Variants in RTN3 observed in about 807,000 individuals in gnomAD.
RTN3 encodes reticulon-3.
Under a neutral mutation model 77.8 loss-of-function variants are expected in RTN3, and 49 were observed. The observed-to-expected ratio is 0.63, with a 90% CI of 0.50 to 0.80. The LOEUF (loss-of-function observed/expected upper bound fraction) is 0.80, where lower values mean the gene tolerates loss of function less well. RTN3 is among the 30% of genes least tolerant of loss of function. The probability of loss-of-function intolerance (pLI) is 0.00; values close to 1 mark genes in which losing one functional copy is unlikely to be tolerated. For missense variants in RTN3, 1,236 were observed against 1,211.9 expected (o/e 1.02, Z -0.29); for synonymous variants, 464 against 446.9 (o/e 1.04, Z -0.48).
chr11:63,742,137 AC>A (rs1449510666), intron 3 of RTN3, among the ~76,000 whole-genome samples: 1 of 148,912 alleles, frequency 6.7e-6, no homozygotes, highest in Non-Finnish European at 1.5e-5. Context: ...CTGCCACCAC[AC>A]CCGGCTAATT....
chr11:63,712,527 C>T (rs2011188383), intron 2 of RTN3, among the ~76,000 whole-genome samples: 1 of 139,330 alleles, frequency 7.2e-6, no homozygotes, highest in Non-Finnish European at 1.5e-5. Flanking sequence ...ACATTGTTGC[C>T]TGGGCTAGAG....
intron 2 of RTN3, among the ~76,000 whole-genome samples, chr11:63,709,247 C>T (rs1013866490): frequency 6.6e-6 from 1 of 152,162 alleles, no homozygotes; most frequent in African/African-American, 2.4e-5. Flanking sequence ...ATTGTTTTGA[C>T]CATATTATCA....
At chr11:63,683,658 T>C (rs1941184403) in intron 1 of RTN3, among the ~76,000 whole-genome samples, 1 of 152,210 alleles carries the variant, frequency 6.6e-6, no homozygotes, top group Non-Finnish European at 1.5e-5. Context: ...CACAACCTAA[T>C]TGGCACCTAA....
intron 4 of RTN3, among the ~76,000 whole-genome samples, chr11:63,750,949 G>A (rs1426487925): frequency 6.6e-6 from 1 of 151,604 alleles, no homozygotes; most frequent in Non-Finnish European, 1.5e-5. Flanking sequence ...CGGCAGGATG[G>A]TCTCGAACTC....
rs753247538 is a variant in RTN3 at position 63,756,148 on chromosome 11, C to A, written c.3031C>A (p.Gln1011Lys). The A allele has an allele frequency of 1.2e-6, 2 of 1,613,050 alleles. No homozygotes were observed. The highest frequency in any genetic ancestry group is 3.3e-5 in the Admixed American group (2 of 60,016). ...TCACTATGTTGGCATCGCCCGAGAT[C>A]AGACCAAGTCAATTGTTGAAAAGTA... ...IDHYVGIARD[Q>K]TKSIVEKIQA... Residue 1011 changes from glutamine to lysine, a missense_variant, in exon 8 of 9, where the codon CAG becomes AAG. By Grantham distance (53) the Gln-to-Lys change is moderately conservative (BLOSUM62 1). Around this residue, in one of 3 missense-constraint regions of RTN3, gnomAD observed 141 missense variants for 154.9 expected, o/e 0.91. Coordinates refer to ENST00000377819, the MANE Select transcript of RTN3 (RefSeq NM_001265589.2).
chr11:63,749,346 A>C (rs2013978441), intron 3 of RTN3, among the ~76,000 whole-genome samples: 1 of 152,160 alleles, frequency 6.6e-6, no homozygotes, highest in Admixed American at 6.5e-5. Context: ...TCCTTCCTGA[A>C]TTCTTTTCAG....
At chr11:63,699,044 T>C (rs1251088052) in intron 1 of RTN3, among the ~76,000 whole-genome samples, 1 of 152,144 alleles carries the variant, frequency 6.6e-6, no homozygotes, top group African/African-American at 2.4e-5. Context: ...TCCGAACACT[T>C]TGGGAGGCCA....
intron 7 of RTN3, among the ~76,000 whole-genome samples, chr11:63,753,994 T>TG (rs2014235629): frequency 6.6e-6 from 1 of 152,150 alleles, no homozygotes; most frequent in Non-Finnish European, 1.5e-5. Context: ...AGTAATAAGT[T>TG]GAAAAAATGC....
At chr11:63,706,207 G>A (rs1942488022) in intron 2 of RTN3, among the ~76,000 whole-genome samples, 1 of 151,750 alleles carries the variant, frequency 6.6e-6, no homozygotes, top group African/African-American at 2.4e-5. Context: ...TTTGAGATAG[G>A]GTCTCACTCT....
chr11:63,748,338 T>A (rs2013913186), intron 3 of RTN3, among the ~76,000 whole-genome samples: 1 of 150,496 alleles, frequency 6.6e-6, no homozygotes, highest in Admixed American at 6.7e-5. Flanking sequence ...TAATTATTAA[T>A]AGTGCCCCAC....
At chr11:63,724,010 A>G (rs2012019089) in intron 3 of RTN3, among the ~76,000 whole-genome samples, 1 of 152,102 alleles carries the variant, frequency 6.6e-6, no homozygotes, top group Non-Finnish European at 1.5e-5. Context: ...TACCTAGTGT[A>G]GTGAAGATAG....
chr11:63,723,268 G>A (rs190902788), intron 3 of RTN3, among the ~76,000 whole-genome samples: 3 of 152,102 alleles, frequency 2.0e-5, no homozygotes, highest in Admixed American at 2.0e-4. Context: ...GGCCTTTCTT[G>A]CAGCTTTCAA....
chr11:63,729,082 C>T (rs948557435), intron 3 of RTN3, among the ~76,000 whole-genome samples: 68 of 150,148 alleles, frequency 4.5e-4, no homozygotes, highest in African/African-American at 1.6e-3. Context: ...AAAAAAACAA[C>T]AAAAAAAACA....
At chr11:63,712,917 G>A (rs1374511006) in intron 2 of RTN3, among the ~76,000 whole-genome samples, 1 of 152,074 alleles carries the variant, frequency 6.6e-6, no homozygotes, top group East Asian at 1.9e-4. Flanking sequence ...CCAACGTGGA[G>A]AAACTCCGTC....
chr11:63,754,472 G>A (rs1180067020), intron 7 of RTN3, among the ~76,000 whole-genome samples: 5 of 151,922 alleles, frequency 3.3e-5, no homozygotes, highest in South Asian at 2.1e-4. Flanking sequence ...AGGCCGAGGC[G>A]GGCAGATCAC....
chr11:63,681,653 C>G lies in RTN3; in HGVS notation c.17C>G (p.Ala6Gly). 1.3e-6 allele frequency: 2 copies of G among 1,593,634 alleles called. No individual in the cohort carries two copies. The highest frequency in any genetic ancestry group is 2.2e-5 in the South Asian group (2 of 89,918). Residue 6 changes from alanine (A) to glycine (G), a missense_variant, in exon 1 of 9, where the codon GCG (alanine) becomes GGG (glycine). Physicochemically the swap from Ala to Gly is moderately conservative, Grantham distance 60. This residue lies in a region of RTN3 where 1,056 missense variants were observed against 990.4 expected (regional missense o/e 1.07). Transcript: ENST00000377819. ...CGCGTAGCCATGGCGGAGCCGTCGG[C>G]GGCCACTCAGTCCCATTCCATCTCC... MAEPS[A>G]ATQSHSISSS...
Position 63,758,437 on chromosome 11 carries a change from T to A in RTN3, c.*236T>A. 1 of 1,193,988 alleles carries A rather than the reference T, an allele frequency of 8.4e-7. No homozygotes were observed. The highest frequency in any genetic ancestry group is 1.2e-6 in the Non-Finnish European group (1 of 855,108). 74.0% of individuals were successfully genotyped at this position (1,193,988 alleles called of 1,614,324 possible). A position where few individuals can be genotyped will look rare whatever the true frequency, so the allele number is the denominator to read the frequency against. On this transcript the variant is annotated 3_prime_UTR_variant, in exon 9 of 9. Coordinates refer to ENST00000377819, the MANE Select transcript of RTN3 (RefSeq NM_001265589.2). ...TCAGAAGAAGAAAGAATCAAATTCA[T>A]AGGATAAGTCAATACCTTAATGGTG...
At position 63,738,927 on chromosome 11, in the gene RTN3, T is replaced by C. The variant is rs145390722; in HGVS notation, c.2531-11064T>C. On this transcript the variant is annotated intron_variant, in intron 3 of 8. Coordinates refer to ENST00000377819, the MANE Select transcript of RTN3 (RefSeq NM_001265589.2). ...CTTTTTCCTTAGCCTGAGATTACCA[T>C]TGGATGTGTTAGTGCCCTCTTCAGG... 4.0e-3 allele frequency among the ~76,000 whole-genome samples: 604 copies of C among 152,300 alleles called. 1 individual carries two copies. Among genetic ancestry groups the C allele is most frequent in the African/African-American group, 0.014 (589 of 41,554 alleles).
At chr11:63,709,886 C>A (rs926850858) in intron 2 of RTN3, among the ~76,000 whole-genome samples, 1 of 152,136 alleles carries the variant, frequency 6.6e-6, no homozygotes, top group Non-Finnish European at 1.5e-5. Flanking sequence ...ATAGTTATTC[C>A]ATGTTATAGA....
Sources: allele counts gnomAD v4.1 joint callset (sites outside exome capture counted in the v4.1 genomes callset), GRCh38; gene constraint gnomAD v4.1.1; regional missense constraint gnomAD v4.1.1; transcripts MANE v1.5; gene names NCBI Gene and HGNC (gene_info 2026-07-23, HGNC 2026-07-21).